NSRP1: variants seen among roughly 807,000 people sequenced by gnomAD.
NSRP1 encodes nuclear speckle splicing regulatory protein 1, also known as coiled-coil domain containing 55.
In NSRP1, 24 loss-of-function variants were observed where a neutral mutation model predicts 54.7. That is an observed-to-expected ratio of 0.44 (90% confidence interval 0.32 to 0.62). NSRP1 has a LOEUF of 0.62. Ranked by LOEUF, NSRP1 falls within the 20% of genes least tolerant of loss-of-function variation. The probability of loss-of-function intolerance (pLI) is 0.06; values close to 1 mark genes in which losing one functional copy is unlikely to be tolerated. For missense variants in NSRP1, 596 were observed against 651.2 expected (o/e 0.92, Z 0.92); for synonymous variants, 210 against 213.8 (o/e 0.98, Z 0.15).
intron 2 of NSRP1, among the ~76,000 whole-genome samples, 184 bp downstream of exon 2, chr17:30,118,357 C>T (rs2071562704): frequency 6.6e-6 from 1 of 152,168 alleles, no homozygotes; most frequent in African/African-American, 2.4e-5. Context: ...TTTTTTCCCT[C>T]TAAAAGCTGC....
rs1234762593 is a variant in NSRP1 at position 30,180,899 on chromosome 17, C to G, written c.509-9C>G. The G allele has an allele frequency of 1.9e-6, 3 of 1,587,452 alleles. No individual in the cohort carries two copies. Among genetic ancestry groups the G allele is most frequent in the South Asian group, 2.2e-5 (2 of 90,324 alleles). On this transcript the variant is annotated splice_polypyrimidine_tract_variant and intron_variant, in intron 5 of 6. Coordinates refer to ENST00000247026, the MANE Select transcript of NSRP1 (RefSeq NM_032141.4). ...GAATATATTCTAATTTTTGCTTTCC[C>G]TCTGTTAGCATGTTTGGATGTAACC...
intron 2 of NSRP1, among the ~76,000 whole-genome samples, chr17:30,142,599 T>C (rs2071816118): frequency 6.6e-6 from 1 of 152,230 alleles, no homozygotes; most frequent in Admixed American, 6.5e-5. Flanking sequence ...CCCAAAGTGC[T>C]GGGACCTCAC....
At chr17:30,125,363 G>A (rs559237732) in intron 2 of NSRP1, among the ~76,000 whole-genome samples, 1 of 152,294 alleles carries the variant, frequency 6.6e-6, no homozygotes, top group African/African-American at 2.4e-5. Context: ...CACCTGGAAA[G>A]GAGCTGCTAT....
At chr17:30,122,722 A>T (rs2071615403) in intron 2 of NSRP1, 1 of 150,550 alleles carries the variant, frequency 6.6e-6, no homozygotes, top group African/African-American at 2.4e-5. Flanking sequence ...TTTTTTGAGG[A>T]ACTGCCAGAC....
rs145838205 is a variant in NSRP1 at position 30,184,963 on chromosome 17, G to A, written c.966G>A (p.Gln322=). 358 of 1,614,090 alleles carry A rather than the reference G, an allele frequency of 2.2e-4. 1 individual carries two copies. Among genetic ancestry groups the A allele is most frequent in the Admixed American group, 1.2e-3 (75 of 60,018 alleles). The change falls in exon 7 of 7, where the codon CAG becomes CAA. Residue 322 remains glutamine, a synonymous_variant. Coordinates refer to ENST00000247026, the MANE Select transcript of NSRP1 (RefSeq NM_032141.4). ...GHEKREDQHQ[Q]KQSRDQENHY... is the part of the protein sequence containing the mutation. Reference sequence around the variant, plus strand: ...AGAAAAGGGAAGATCAGCACCAGCAGAAGCAATCCAGAGACCAAGAGAACC... The same window carrying A: ...AGAAAAGGGAAGATCAGCACCAGCAAAAGCAATCCAGAGACCAAGAGAACC...
At chr17:30,145,489 A>G (rs1225103287) in intron 2 of NSRP1, among the ~76,000 whole-genome samples, 1 of 152,180 alleles carries the variant, frequency 6.6e-6, no homozygotes, top group East Asian at 1.9e-4. Flanking sequence ...AGACTGAGGC[A>G]GGAGAATCGC....
At chr17:30,149,826 C>G (rs941583542) in intron 2 of NSRP1, among the ~76,000 whole-genome samples, 1 of 135,764 alleles carries the variant, frequency 7.4e-6, no homozygotes, top group Non-Finnish European at 1.5e-5. Context: ...CAGAGCAAGA[C>G]CCTGTCTCAA....
chr17:30,158,757 A>C (rs371551629), intron 2 of NSRP1, among the ~76,000 whole-genome samples: 20 of 152,232 alleles, frequency 1.3e-4, no homozygotes, highest in African/African-American at 3.6e-4. Context: ...CCTTTGTTGA[A>C]AATCAGTTGG....
Position 30,138,160 on chromosome 17 carries a change from G to T in NSRP1, c.114+19987G>T, listed in dbSNP as rs116209011. Among the ~76,000 whole-genome samples, 46 of 152,176 alleles carry T rather than the reference G, an allele frequency of 3.0e-4. 1 individual carries two copies. The East Asian group carries it at 6.0e-3, about 20-fold the overall frequency. On this transcript the variant is annotated intron_variant, in intron 2 of 6. Transcript: ENST00000247026. ...TTTCACTTAGCATAATGTCCTCAGG[G>T]TTCATCCATGGTATAGCATGTGTCA...
chr17:30,123,604 C>G (rs2071623660), intron 2 of NSRP1, among the ~76,000 whole-genome samples: 1 of 152,162 alleles, frequency 6.6e-6, no homozygotes, highest in Non-Finnish European at 1.5e-5. Flanking sequence ...GTTGCTGGTG[C>G]TTTAGTGTCC....
intron 2 of NSRP1, among the ~76,000 whole-genome samples, chr17:30,142,779 T>A (rs939765406): frequency 1.3e-5 from 2 of 152,226 alleles, no homozygotes; most frequent in African/African-American, 2.4e-5. Context: ...CCGACTTTGT[T>A]TTTGACTGTC....
intron 2 of NSRP1, among the ~76,000 whole-genome samples, chr17:30,152,128 A>T (rs1355539065): frequency 4.5e-5 from 6 of 133,892 alleles, no homozygotes; most frequent in Non-Finnish European, 8.1e-5. Flanking sequence ...ATTTGAAATA[A>T]TTTTTTTTTT....
rs185436703 is a variant in NSRP1, at chr17:30,136,390, A to G, written c.114+18217A>G. ...CTAGCATTATAATCTCTTTTAATAT[A>G]TGATAGGACAAAGAATAAGAAAAGC... On this transcript the variant is annotated intron_variant, in intron 2 of 6. Transcript: ENST00000247026. Among the ~76,000 whole-genome samples, 79 of 152,268 alleles carry G rather than the reference A, an allele frequency of 5.2e-4. No homozygotes were observed. The Middle Eastern group carries it at 0.01, about 20-fold the overall frequency.
intron 3 of NSRP1, among the ~76,000 whole-genome samples, chr17:30,173,310 C>G (rs1244575339): frequency 6.6e-6 from 1 of 152,148 alleles, no homozygotes; most frequent in African/African-American, 2.4e-5. Flanking sequence ...TTTTTACATA[C>G]ATTTATCTTT....
Position 30,153,675 on chromosome 17 carries a change from G to C in NSRP1, c.115-18867G>C, listed in dbSNP as rs150681093. On this transcript the variant is annotated intron_variant, in intron 2 of 6. Coordinates refer to ENST00000247026, the MANE Select transcript of NSRP1 (RefSeq NM_032141.4). Reference sequence around the variant, plus strand: ...ACACAGCCTTGCCATTTGTCTGTCTGTGGCTACTTTTGTGCTACATGACTA... The same window carrying C: ...ACACAGCCTTGCCATTTGTCTGTCTCTGGCTACTTTTGTGCTACATGACTA... Among the ~76,000 whole-genome samples, 278 of 152,088 alleles carry C rather than the reference G, an allele frequency of 1.8e-3. 2 individuals carry two copies. Among genetic ancestry groups the C allele is most frequent in the African/African-American group, 6.5e-3 (269 of 41,470 alleles).
intron 3 of NSRP1, among the ~76,000 whole-genome samples, chr17:30,174,328 C>T (rs1905054863): frequency 6.6e-6 from 1 of 152,120 alleles, no homozygotes; most frequent in Non-Finnish European, 1.5e-5. Context: ...TTTTCTCGCA[C>T]CTATATTACA....
In NSRP1 at chr17:30,185,656, T is replaced by C. The variant is rs1905509014; in HGVS notation, c.1659T>C (p.Ile553=). Residue 553 remains isoleucine (I), a synonymous_variant, in exon 7 of 7, where the codon ATT becomes ATC. Coordinates refer to ENST00000247026, the MANE Select transcript of NSRP1 (RefSeq NM_032141.4). ...CGCGGGTTAATGCAAAGACCTATAT[T>C]GAGAAAGAAGATGATTGATGGCTAC... ...QMARVNAKTY[I]EKEDD The C allele has an allele frequency of 6.3e-7, 1 of 1,579,508 alleles. No individual in the cohort carries two copies. The highest frequency in any genetic ancestry group is 1.4e-5 in the African/African-American group (1 of 72,904).
chr17:30,151,774 C>CTTTTTTTTT (rs780507533), intron 2 of NSRP1, among the ~76,000 whole-genome samples: 2 of 48,920 alleles, frequency 4.1e-5, no homozygotes, highest in Non-Finnish European at 3.9e-5. Flanking sequence ...TTGTCACTTT[C>CTTTTTTTTT]TTTTTTTTTT....
At position 30,185,321 on chromosome 17, in the gene NSRP1, G is replaced by GT; in HGVS notation, c.1325dup (p.Gly443ArgfsTer19). On this transcript the variant is annotated frameshift_variant, in exon 7 of 7. Coordinates refer to ENST00000247026, the MANE Select transcript of NSRP1 (RefSeq NM_032141.4). LOFTEE classifies it high-confidence loss of function. ...ATACAGAGATAGAGAAAAACGAGAG[G>GT]TAGGTGTTCAGTCTTCAGAAAGAAA... 1 of 1,607,396 alleles carries GT rather than the reference G, an allele frequency of 6.2e-7. No homozygotes were observed. The highest frequency in any genetic ancestry group is 8.5e-7 in the Non-Finnish European group (1 of 1,178,382).
Sources: gnomAD v4.1 joint callset for allele counts (sites outside exome capture counted in the v4.1 genomes callset) on GRCh38, gnomAD v4.1.1 for gene constraint, MANE v1.5 for transcripts, NCBI Gene and HGNC (gene_info 2026-07-23, HGNC 2026-07-21) for gene names.